PDE6B: variants seen among roughly 807,000 people sequenced by gnomAD.
The protein encoded by PDE6B is phosphodiesterase 6B.
In PDE6B, 106 loss-of-function variants were observed where a neutral mutation model predicts 109.0. The ratio of observed to expected loss-of-function variants is 0.97; its 90% CI spans 0.83 to 1.14. The LOEUF (loss-of-function observed/expected upper bound fraction) is 1.14, where lower values mean the gene tolerates loss of function less well. Ranked by LOEUF, PDE6B falls within the 50% of genes most tolerant of loss-of-function variation. PDE6B has a pLI of 0.00. For synonymous variants in PDE6B, 490 were observed against 471.3 expected (o/e 1.04, Z -0.51); for missense variants, 1,193 against 1,155.6 (o/e 1.03, Z -0.47).
chr4:639,209 A>G (rs1308676199), intron 3 of PDE6B, among the ~76,000 whole-genome samples: 1 of 151,598 alleles, frequency 6.6e-6, no homozygotes, highest in Non-Finnish European at 1.5e-5. Flanking sequence ...CGGTGGTGCA[A>G]TCATAGCTCA....
chr4:635,276 TC>T (rs1348127638), intron 2 of PDE6B, among the ~76,000 whole-genome samples: 1 of 125,086 alleles, frequency 8.0e-6, no homozygotes, highest in Non-Finnish European at 1.6e-5. Context: ...GTGCTGCGCG[TC>T]TGCCTCCCTG....
At chr4:657,810 A>G (rs1577284771) in intron 10 of PDE6B, among the ~76,000 whole-genome samples, 1 of 121,610 alleles carries the variant, frequency 8.2e-6, no homozygotes, top group African/African-American at 3.2e-5. Context: ...CCCAGGGGTC[A>G]TGGCTGTGCG....
chr4:654,368 C>G lies in PDE6B; in HGVS notation c.927+214C>G, dbSNP rs1380219570. 7 of 675,164 alleles carry G rather than the reference C, an allele frequency of 1.0e-5. No homozygotes were observed. In the Admixed American group the frequency reaches 1.5e-4, roughly 14 times the overall value. 41.8% of individuals were successfully genotyped at this position (675,164 alleles called of 1,614,324 possible). A position where few individuals can be genotyped will look rare whatever the true frequency, so the allele number is the denominator to read the frequency against. The stretch of plus-strand genomic sequence containing the variant: ...AGGGCTGGTCCCTGAATGAGGGCCG[C>G]CAGGCTGGTCGTGAAGACCCACGTC... On this transcript the variant is annotated intron_variant, in intron 5 of 21. Coordinates refer to ENST00000496514, the MANE Select transcript of PDE6B (RefSeq NM_000283.4).
chr4:668,099 A>C, intron 21 of PDE6B, 93 bp downstream of exon 21: 1 of 1,272,016 alleles, frequency 7.9e-7, no homozygotes, highest in Non-Finnish European at 1.1e-6. Flanking sequence ...AAAATGGAGA[A>C]AAGCAGAGCC....
chr4:635,038 C>T (rs369444428), intron 2 of PDE6B, among the ~76,000 whole-genome samples: 2 of 122,822 alleles, frequency 1.6e-5, no homozygotes, highest in Admixed American at 7.9e-5. Context: ...TTCTGTGCTG[C>T]GCGTCCACCT....
At position 636,506 on chromosome 4, in the gene PDE6B, C is replaced by T. The variant is rs533803455; in HGVS notation, c.711+537C>T. ...GTGGGAAAACGCAGGGGGATGACCT[C>T]CAGGGCAGGTGGTCCTCCCGTCTGA... On this transcript the variant is annotated intron_variant, in intron 3 of 21. Coordinates refer to ENST00000496514, the MANE Select transcript of PDE6B (RefSeq NM_000283.4). This position sits in a 1 kb window ranked among gnomAD's most constrained non-coding sequence, Gnocchi z 4.5. Among the ~76,000 whole-genome samples the T allele has an allele frequency of 6.6e-6, 1 of 152,004 alleles. No homozygotes were observed. Among genetic ancestry groups the T allele is most frequent in the South Asian group, 2.1e-4 (1 of 4,806 alleles).
Position 665,147 on chromosome 4 carries a change from C to CG in PDE6B, c.2194-103dup, listed in dbSNP as rs1042345173. 5.4e-6 allele frequency: 5 copies of CG among 917,916 alleles called. No individual in the cohort carries two copies. The highest frequency in any genetic ancestry group is 8.9e-6 in the Non-Finnish European group (5 of 561,408). The allele number at this position is 917,916 out of a possible 1,614,324, so 56.9% of individuals were successfully genotyped here. On this transcript the variant is annotated intron_variant, in intron 18 of 21. Coordinates refer to ENST00000496514, the MANE Select transcript of PDE6B (RefSeq NM_000283.4). This position sits in a 1 kb window ranked among gnomAD's most constrained non-coding sequence, Gnocchi z 4.0. ...CCGGAGCCCTGTGTGGTGGGGACCC[C>CG]GGGGGTCTGGGGCGGAGAAGACCGA...
chr4:657,316 G>T, intron 9 of PDE6B, 35 bp from the exon 10 acceptor site: 3 of 1,611,832 alleles, frequency 1.9e-6, no homozygotes, highest in Non-Finnish European at 2.5e-6. Context: ...CGCGCCGGGA[G>T]CGCTGAGCGC....
chr4:646,539 TTCCAACATGTCTTC>T (rs1232423091), intron 3 of PDE6B, among the ~76,000 whole-genome samples: 1 of 152,058 alleles, frequency 6.6e-6, no homozygotes, highest in Non-Finnish European at 1.5e-5. Flanking sequence ...CCATTATTAC[TTCCAACATGTCTTC>T]TCCTTCGCTC....
In PDE6B at chr4:626,803, G is replaced by A. The variant is rs149356447; in HGVS notation, c.468+709G>A. ...GGGCAGACGCTTCCCGAGGACAGAG[G>A]CGGTCCTGGCGGGACTGGAGAACAA... On this transcript the variant is annotated intron_variant, in intron 1 of 21. Coordinates refer to ENST00000496514, the MANE Select transcript of PDE6B (RefSeq NM_000283.4). This position sits in a 1 kb window ranked among gnomAD's most constrained non-coding sequence, Gnocchi z 4.6. Among the ~76,000 whole-genome samples, 5 of 152,352 alleles carry A rather than the reference G, an allele frequency of 3.3e-5. No individual in the cohort carries two copies. In the East Asian group the frequency reaches 9.7e-4, roughly 29 times the overall value.
intron 3 of PDE6B, among the ~76,000 whole-genome samples, chr4:637,696 C>T (rs1049076398): frequency 3.3e-5 from 5 of 152,196 alleles, no homozygotes; most frequent in African/African-American, 1.2e-4. Flanking sequence ...CCCTCTCGTC[C>T]GGCACAGCGA....
chr4:652,246 G>A (rs966519055), intron 3 of PDE6B: 1 of 152,520 alleles, frequency 6.6e-6, no homozygotes, highest in Non-Finnish European at 1.5e-5. Flanking sequence ...GGGAGGGAGG[G>A]ACTCTGGGAA....
At chr4:634,376 G>A (rs892112456) in intron 1 of PDE6B, among the ~76,000 whole-genome samples, 2 of 152,168 alleles carry the variant, frequency 1.3e-5, no homozygotes, top group African/African-American at 2.4e-5. Flanking sequence ...GCCGGAGGGC[G>A]GCAGGTGCGT....
chr4:668,098 A>G lies in PDE6B; in HGVS notation c.2503+92A>G. The G allele has an allele frequency of 3.9e-6, 5 of 1,290,724 alleles. No homozygotes were observed. The South Asian group carries it at 6.3e-5, about 16-fold the overall frequency. 80.0% of individuals were successfully genotyped at this position (1,290,724 alleles called of 1,614,324 possible). A position where few individuals can be genotyped will look rare whatever the true frequency, so the allele number is the denominator to read the frequency against. On this transcript the variant is annotated intron_variant, in intron 21 of 21. Coordinates refer to ENST00000496514, the MANE Select transcript of PDE6B (RefSeq NM_000283.4). ...GGCACAGAGCAGAGTTAAAATGGAG[A>G]AAAGCAGAGCCACTTTCAAGAAGCC...
At position 667,909 on chromosome 4, in the gene PDE6B, C is replaced by A; in HGVS notation, c.2406C>A (p.Asn802Lys). The A allele has an allele frequency of 1.2e-6, 2 of 1,613,560 alleles. No individual in the cohort carries two copies. The highest frequency in any genetic ancestry group is 1.7e-6 in the Non-Finnish European group (2 of 1,179,752). The change falls in exon 21 of 22, where the codon AAC (asparagine) becomes AAA (lysine). Residue 802 changes from asparagine to lysine, a missense_variant. By Grantham distance (94) the Asn-to-Lys change is moderately conservative. Transcript: ENST00000496514. Reference protein sequence around the residue: ...EILPMFDRLQNNRKEWKALAD... With the variant: ...EILPMFDRLQKNRKEWKALAD... Reference sequence around the variant, plus strand: ...TGCCCATGTTCGACCGACTGCAGAACAATAGGAAAGAGTGGAAGGCGCTGG... The same window carrying A: ...TGCCCATGTTCGACCGACTGCAGAAAAATAGGAAAGAGTGGAAGGCGCTGG...
At chr4:656,390 A>G (rs1736246978) in intron 8 of PDE6B, 98 bp downstream of exon 8, 2 of 869,458 alleles carry the variant, frequency 2.3e-6, no homozygotes, top group Non-Finnish European at 3.9e-6. Flanking sequence ...CACTTAAAAA[A>G]CAACTTCAGC....
intron 6 of PDE6B, 125 bp from the exon 7 acceptor site, chr4:655,815 G>C: frequency 1.3e-6 from 1 of 751,416 alleles, no homozygotes; most frequent in Admixed American, 1.8e-5. Context: ...TCTGACCCCT[G>C]CACACACACG....
At chr4:649,017 G>A (rs997218082) in intron 3 of PDE6B, among the ~76,000 whole-genome samples, 1 of 152,180 alleles carries the variant, frequency 6.6e-6, no homozygotes, top group South Asian at 2.1e-4. Context: ...ACCGGGCAGT[G>A]GCGGGAGCCT....
intron 9 of PDE6B, 54 bp from the exon 10 acceptor site, chr4:657,297 G>C: frequency 6.2e-7 from 1 of 1,605,554 alleles, no homozygotes; most frequent in Middle Eastern, 1.7e-4. Flanking sequence ...ACAGGCACAT[G>C]GGAGGGGGCG....
Sources: gnomAD v4.1 joint callset for allele counts (sites outside exome capture counted in the v4.1 genomes callset) on GRCh38, gnomAD v4.1.1 for gene constraint, Gnocchi (gnomAD v3.1) non-coding constraint, MANE v1.5 for transcripts, NCBI Gene and HGNC (gene_info 2026-07-23, HGNC 2026-07-21) for gene names.